The following LMNB1 variants were observed in gnomAD, a reference collection of about 807,000 sequenced individuals.
LMNB1 encodes lamin B1.
A neutral mutation model predicts 67.1 loss-of-function variants in LMNB1; 23 were observed. That is an observed-to-expected ratio of 0.34 (90% confidence interval 0.25 to 0.49). LMNB1 has a LOEUF of 0.49. Among genes scored for constraint, LMNB1 ranks in the 20% least tolerant of loss-of-function variants. The pLI is 0.99. For missense variants in LMNB1, 634 were observed against 746.5 expected, an observed-to-expected ratio of 0.85 and a Z score of 1.76; for synonymous variants, 281 against 282.9, an observed-to-expected ratio of 0.99 and a Z score of 0.07.
Position 126,799,108 on chromosome 5 carries a change from C to T in LMNB1, c.360-5668C>T, listed in dbSNP as rs1461786979. On this transcript the variant is annotated intron_variant, in intron 1 of 10. Coordinates refer to ENST00000261366, the MANE Select transcript of LMNB1 (RefSeq NM_005573.4). ...TCTCGGCTCACTGCAGGCTCCGCCCCCTGGGGTTCACGCCATTCTCCTGCC... is the reference window on the plus strand; with the variant it reads ...TCTCGGCTCACTGCAGGCTCCGCCCTCTGGGGTTCACGCCATTCTCCTGCC... Among the ~76,000 whole-genome samples, 5 of 151,810 alleles carry T rather than the reference C, an allele frequency of 3.3e-5. No individual in the cohort carries two copies. In the East Asian group the frequency reaches 7.7e-4, roughly 23 times the overall value.
intron 1 of LMNB1, among the ~76,000 whole-genome samples, chr5:126,796,378 C>T (rs2112941756): frequency 6.6e-6 from 1 of 152,218 alleles, no homozygotes; most frequent in East Asian, 1.9e-4. Context: ...GAGTCATCCT[C>T]ACAGAAGGAC....
intron 4 of LMNB1, among the ~76,000 whole-genome samples, chr5:126,811,525 A>C (rs1561747399): frequency 6.6e-6 from 1 of 152,190 alleles, no homozygotes; most frequent in Non-Finnish European, 1.5e-5. Flanking sequence ...GAAATATTGA[A>C]GTAATAAGCT....
chr5:126,822,398 G>A (rs1320446988), intron 7 of LMNB1, among the ~76,000 whole-genome samples: 4 of 152,206 alleles, frequency 2.6e-5, no homozygotes, highest in African/African-American at 9.6e-5. Context: ...CTGTTTCTAA[G>A]CTTATGTGTC....
At position 126,777,589 on chromosome 5, in the gene LMNB1, G is replaced by C. The variant is rs987936129; in HGVS notation, c.81G>C (p.Leu27=). Residue 27 remains leucine (L), a synonymous_variant, in exon 1 of 11, where the codon CTG becomes CTC. Coordinates refer to ENST00000261366, the MANE Select transcript of LMNB1 (RefSeq NM_005573.4). Reference sequence around the variant, plus strand: ...CCACGCCGCTGAGCCCCACGCGCCTGTCGCGGCTCCAGGAGAAGGAGGAGC... The same window carrying C: ...CCACGCCGCTGAGCCCCACGCGCCTCTCGCGGCTCCAGGAGAAGGAGGAGC... ...GPTTPLSPTR[L]SRLQEKEELR... 1 of 1,529,642 alleles carries C rather than the reference G, an allele frequency of 6.5e-7. No individual in the cohort carries two copies. The highest frequency in any genetic ancestry group is 2.0e-5 in the Admixed American group (1 of 49,540). The allele number at this position is 1,529,642 out of a possible 1,614,324, so 94.8% of individuals were successfully genotyped here. A position where few individuals can be genotyped will look rare whatever the true frequency, so the allele number is the denominator to read the frequency against.
At chr5:126,791,749 G>C (rs907552862) in intron 1 of LMNB1, among the ~76,000 whole-genome samples, 1 of 151,216 alleles carries the variant, frequency 6.6e-6, no homozygotes, top group Non-Finnish European at 1.5e-5. Flanking sequence ...TTACAGGTGT[G>C]AACCATCATG....
At chr5:126,807,111 G>A (rs922057993) in intron 3 of LMNB1, among the ~76,000 whole-genome samples, 1 of 152,136 alleles carries the variant, frequency 6.6e-6, no homozygotes, top group Non-Finnish European at 1.5e-5. Context: ...TCACTTATAA[G>A]CCTTAACTGC....
chr5:126,829,028 TCAGTAGGGAC>T (rs1752067812), intron 9 of LMNB1, among the ~76,000 whole-genome samples: 1 of 152,022 alleles, frequency 6.6e-6, no homozygotes, highest in African/African-American at 2.4e-5. Context: ...ACCATATTTG[TCAGTAGGGAC>T]CAGACCACAT....
rs559337195 is a variant in LMNB1 at position 126,832,739 on chromosome 5, G to A, written c.1657G>A (p.Glu553Lys). 8 of 1,613,312 alleles carry A rather than the reference G, an allele frequency of 5.0e-6. No homozygotes were observed. The highest frequency in any genetic ancestry group is 2.7e-5 in the African/African-American group (2 of 75,036). The change falls in exon 10 of 11, where the codon GAA becomes AAA. Residue 553 changes from glutamate to lysine, a missense_variant. Physicochemically the swap from Glu to Lys is moderately conservative, Grantham distance 56 (BLOSUM62 1). Coordinates refer to ENST00000261366, the MANE Select transcript of LMNB1 (RefSeq NM_005573.4). ...AGTCTTTAAAACAACCATACCTGAAGAAGAGGAGGAGGAGGAAGAAGCAGC... is the reference window on the plus strand; with the variant it reads ...AGTCTTTAAAACAACCATACCTGAAAAAGAGGAGGAGGAGGAAGAAGCAGC... ...STVFKTTIPEEEEEEEEAAGV... is the reference protein window; with the variant it reads ...STVFKTTIPEKEEEEEEAAGV...
chr5:126,807,306 G>C (rs1322987179), intron 3 of LMNB1, among the ~76,000 whole-genome samples: 1 of 152,188 alleles, frequency 6.6e-6, no homozygotes, highest in Non-Finnish European at 1.5e-5. Context: ...GTGCAAATAG[G>C]AATTCATTGT....
In LMNB1 at chr5:126,794,133, C is replaced by T. The variant is rs75187297; in HGVS notation, c.360-10643C>T. 5.6e-3 allele frequency among the ~76,000 whole-genome samples: 848 copies of T among 152,240 alleles called. 13 individuals are homozygous for T. The highest frequency in any genetic ancestry group is 0.019 in the African/African-American group (782 of 41,554). ...TATTTTTGTATTTCACCATGTTGAC[C>T]AGTCTGGTCTCTAACTCCTGACCTC... On this transcript the variant is annotated intron_variant, in intron 1 of 10. Transcript: ENST00000261366.
At chr5:126,825,526 T>G (rs1203556379) in intron 8 of LMNB1, among the ~76,000 whole-genome samples, 1 of 151,734 alleles carries the variant, frequency 6.6e-6, no homozygotes, top group East Asian at 1.9e-4. Flanking sequence ...TTAGAGGGAG[T>G]CACAGAAGGC....
intron 9 of LMNB1, 104 bp downstream of exon 9, chr5:126,826,211 A>G: frequency 7.8e-7 from 1 of 1,289,616 alleles, no homozygotes; most frequent in South Asian, 1.4e-5. Context: ...CGATTGCATA[A>G]ACAGACCAAA....
chr5:126,826,729 AGT>A (rs1190156525), intron 9 of LMNB1, among the ~76,000 whole-genome samples: 1 of 152,184 alleles, frequency 6.6e-6, no homozygotes, highest in Non-Finnish European at 1.5e-5. Flanking sequence ...AAGCGGCTAA[AGT>A]GTGCTTTGAA....
chr5:126,804,509 T>C (rs1751367388), intron 1 of LMNB1, among the ~76,000 whole-genome samples: 1 of 152,202 alleles, frequency 6.6e-6, no homozygotes, highest in African/African-American at 2.4e-5. Flanking sequence ...ACATGCAGTC[T>C]CACTCAAGGA....
chr5:126,778,824 C>T (rs780031676), intron 1 of LMNB1, among the ~76,000 whole-genome samples: 1 of 152,110 alleles, frequency 6.6e-6, no homozygotes, highest in Non-Finnish European at 1.5e-5. Flanking sequence ...TGACAGGGTG[C>T]TGTGTAAATG....
rs373589192 is a variant in LMNB1 at position 126,819,193 on chromosome 5, C to T, written c.1160+51C>T. 6.4e-6 allele frequency: 8 copies of T among 1,252,324 alleles called. No homozygotes were observed. The African/African-American group carries it at 1.2e-4, about 19-fold the overall frequency. The allele number at this position is 1,252,324 out of a possible 1,614,324, so 77.6% of individuals were successfully genotyped here. ...CTTATGGTCCACTTTTTGCCTCTCA[C>T]CCTTTTTATTGAAATAAAAATAAAT... On this transcript the variant is annotated intron_variant, in intron 6 of 10. Coordinates refer to ENST00000261366, the MANE Select transcript of LMNB1 (RefSeq NM_005573.4).
intron 1 of LMNB1, among the ~76,000 whole-genome samples, chr5:126,781,160 A>G (rs1406078557): frequency 1.3e-5 from 2 of 152,102 alleles, no homozygotes; most frequent in Non-Finnish European, 2.9e-5. Context: ...GTGGTAGTGG[A>G]CGCCTGCAAT....
chr5:126,828,800 A>T (rs1752061876), intron 9 of LMNB1, among the ~76,000 whole-genome samples: 1 of 147,176 alleles, frequency 6.8e-6, no homozygotes, highest in Non-Finnish European at 1.5e-5. Context: ...TGACCTTGTG[A>T]TCCGTCACCT....
intron 1 of LMNB1, among the ~76,000 whole-genome samples, chr5:126,800,951 C>CTACA (rs1210732092): frequency 4.0e-4 from 19 of 47,314 alleles, no homozygotes; most frequent in Middle Eastern, 0.014. Flanking sequence ...TGCAGCCAGA[C>CTACA]TATATATATA....
Sources: gnomAD v4.1 joint callset for allele counts (sites outside exome capture counted in the v4.1 genomes callset) on GRCh38, gnomAD v4.1.1 for gene constraint, MANE v1.5 for transcripts, NCBI Gene and HGNC (gene_info 2026-07-23, HGNC 2026-07-21) for gene names.